DEPDC4: variants seen among roughly 807,000 people sequenced by gnomAD.
DEPDC4 encodes the protein DEP domain-containing protein 4.
Under a neutral mutation model 52.0 loss-of-function variants are expected in DEPDC4, and 52 were observed. The observed-to-expected ratio is 1.00, with a 90% confidence interval of 0.80 to 1.26. The LOEUF is 1.26. Ranked by LOEUF, DEPDC4 falls within the 50% of genes most tolerant of loss-of-function variation. DEPDC4 has a pLI of 0.00. For synonymous variants in DEPDC4, 201 were observed against 196.8 expected, an observed-to-expected ratio of 1.02 and a Z score of -0.18; for missense variants, 530 against 546.9, an observed-to-expected ratio of 0.97 and a Z score of 0.31.
At chr12:100,239,097 G>C (rs2096148731), downstream of DEPDC4, among the ~76,000 whole-genome samples, 1 of 152,102 alleles carries the variant, frequency 6.6e-6, no homozygotes. Context: ...GTTTTTTTGA[G>C]ACAGAGTCTC....
chr12:100,262,296 A>AAC lies in DEPDC4; in HGVS notation c.667_668insGT (p.Val223GlyfsTer26), dbSNP rs2096256352. The stretch of plus-strand genomic sequence containing the variant: ...TGAAAGCCGGAGAAAAGGTTTCTGA[A>AAC]CTGTGATATTTGGACATAAAGCTGG... On this transcript the variant is annotated frameshift_variant, in exon 3 of 10. Transcript: ENST00000550587. LOFTEE classifies it high-confidence loss of function. The AAC allele has an allele frequency of 6.2e-7, 1 of 1,610,480 alleles. No homozygotes were observed. Among genetic ancestry groups the AAC allele is most frequent in the African/African-American group, 1.3e-5 (1 of 74,708 alleles).
the DEPDC4 span, among the ~76,000 whole-genome samples, chr12:100,279,384 C>T: frequency 5.9e-5 from 9 of 152,206 alleles, no homozygotes; most frequent in African/African-American, 1.7e-4. Flanking sequence ...CTCTGCAGCC[C>T]GGTTCCTAAT....
the DEPDC4 span, among the ~76,000 whole-genome samples, chr12:100,275,582 A>G: frequency 6.6e-6 from 1 of 152,296 alleles, no homozygotes; most frequent in Admixed American, 6.5e-5. Context: ...TATTTTGTAG[A>G]TTGATTCCTT....
At chr12:100,255,807 C>T (rs534185832) in intron 4 of DEPDC4, 10 of 271,916 alleles carry the variant, frequency 3.7e-5, no homozygotes, top group Admixed American at 9.8e-5. Context: ...TTGGATGATG[C>T]GGGGAGAAGA....
At position 100,240,346 on chromosome 12, in the gene DEPDC4, A is replaced by G. The variant is rs577205672; in HGVS notation, c.*1546T>C. 6.6e-6 allele frequency among the ~76,000 whole-genome samples: 1 copy of G among 152,026 alleles called. No individual in the cohort carries two copies. The highest frequency in any genetic ancestry group is 1.9e-4 in the East Asian group (1 of 5,150). On this transcript the variant is annotated 3_prime_UTR_variant, in exon 10 of 10. Transcript: ENST00000550587. The stretch of plus-strand genomic sequence containing the variant: ...AATTTTTTTTTTGTAGTTTTTGTAG[A>G]GATAGGGGCAGGGTCTCACTATTAC...
intron 2 of DEPDC4, 152 bp downstream of exon 2, chr12:100,263,345 T>C (rs2096260513): frequency 1.6e-6 from 1 of 613,652 alleles, no homozygotes; most frequent in East Asian, 2.9e-5. Flanking sequence ...ATCATTCCAG[T>C]TTTAGAGGAA....
intron 9 of DEPDC4, among the ~76,000 whole-genome samples, chr12:100,234,929 C>T (rs1238544327): frequency 6.6e-6 from 1 of 152,086 alleles, no homozygotes; most frequent in African/African-American, 2.4e-5. Flanking sequence ...TTAGAAATTT[C>T]CCTTTGGAAA....
chr12:100,244,281 C>T (rs1028118427), intron 8 of DEPDC4, among the ~76,000 whole-genome samples: 5 of 151,092 alleles, frequency 3.3e-5, no homozygotes, highest in East Asian at 2.0e-4. Context: ...CCTAGGTTCA[C>T]GCCAGTCTCC....
At chr12:100,267,398 T>C (rs1736569125), upstream of DEPDC4, 1 of 229,468 alleles carries the variant, frequency 4.4e-6, no homozygotes, top group African/African-American at 2.3e-5. Flanking sequence ...AAGGAAGAGG[T>C]AAGTGACCGG....
chr12:100,274,318 T>G, the DEPDC4 span, among the ~76,000 whole-genome samples: 2 of 152,260 alleles, frequency 1.3e-5, no homozygotes, highest in African/African-American at 4.8e-5. Flanking sequence ...GGAGTTTTTT[T>G]GTCAAGAGTT....
rs1047730828 is a variant in DEPDC4, at chr12:100,241,052, AAAAACAAAACAAAAC to A, written c.*825_*839del. Among the ~76,000 whole-genome samples the A allele has an allele frequency of 2.6e-5, 4 of 152,152 alleles. No homozygotes were observed. Among genetic ancestry groups the A allele is most frequent in the Admixed American group, 6.5e-5 (1 of 15,274 alleles). ...CTGGGACAGAGCAAGACTCCATTTC[AAAAACAAAACAAAAC>A]AAAACAAAACAACTACTTTATGCAT... On this transcript the variant is annotated 3_prime_UTR_variant, in exon 10 of 10. Transcript: ENST00000550587.
At chr12:100,242,309 C>T (rs902330417) in intron 9 of DEPDC4, among the ~76,000 whole-genome samples, 177 bp downstream of exon 9, 15 of 149,168 alleles carry the variant, frequency 1.0e-4, no homozygotes, top group African/African-American at 3.4e-4. Flanking sequence ...ACCCTGAAGA[C>T]CATTACTATG....
At chr12:100,269,984 A>T (rs186997479), upstream of DEPDC4, among the ~76,000 whole-genome samples, 715 of 150,768 alleles carry the variant, frequency 4.7e-3, 6 homozygotes, top group Middle Eastern at 0.021. Context: ...TTGAGATTTT[A>T]TACTTTTTTT....
At position 100,253,519 on chromosome 12, in the gene DEPDC4, C is replaced by T; in HGVS notation, c.1075G>A (p.Asp359Asn). 1 of 1,282,458 alleles carries T rather than the reference C, an allele frequency of 7.8e-7. No individual in the cohort carries two copies. The highest frequency in any genetic ancestry group is 2.7e-4 in the Middle Eastern group (1 of 3,734). The allele number at this position is 1,282,458 out of a possible 1,614,324, so 79.4% of individuals were successfully genotyped here. The change falls in exon 5 of 10, where the codon GAT (aspartate) becomes AAT (asparagine). Residue 359 changes from aspartate to asparagine, a missense_variant. Transcript: ENST00000550587. The stretch of plus-strand genomic sequence containing the variant: ...AGTTCAATAATTCCTGAATGAATAT[C>T]AAAATACTCATCAGTTAATAGGCAA... Reference protein sequence around the residue: ...RDCLLTDEYFDIHSGIIELLE... With the variant: ...RDCLLTDEYFNIHSGIIELLE...
Position 100,252,195 on chromosome 12 carries a change from T to C in DEPDC4, c.1355A>G (p.Tyr452Cys). 1 of 1,264,552 alleles carries C rather than the reference T, an allele frequency of 7.9e-7. No homozygotes were observed. The highest frequency in any genetic ancestry group is 1.6e-5 in the South Asian group (1 of 61,426). The allele number at this position is 1,264,552 out of a possible 1,614,324, so 78.3% of individuals were successfully genotyped here. A position where few individuals can be genotyped will look rare whatever the true frequency, so the allele number is the denominator to read the frequency against. ...AEQLVWFPLE[Y>C]HSELFKTPVT... ...AGATACCTTGAAGAGCTCAGAGTGG[T>C]ACTCCAGTGGAAACCAGACCAGTTG... is the stretch of plus-strand genomic sequence containing the variant. Residue 452 changes from tyrosine (Y) to cysteine (C), a missense_variant, in exon 7 of 10, where the codon TAC becomes TGC. Tyr to Cys is a radical substitution (Grantham distance 194). Coordinates refer to ENST00000550587, the MANE Select transcript of DEPDC4 (RefSeq NM_001364818.2).
At chr12:100,244,355 G>T (rs2153905217) in intron 8 of DEPDC4, among the ~76,000 whole-genome samples, 1 of 150,876 alleles carries the variant, frequency 6.6e-6, no homozygotes, top group East Asian at 2.0e-4. Context: ...TAATTTTTTT[G>T]TATTTTTAGT....
At chr12:100,261,675 G>A (rs1016034167) in intron 3 of DEPDC4, 1 of 456,388 alleles carries the variant, frequency 2.2e-6, no homozygotes, top group Non-Finnish European at 4.4e-6. Flanking sequence ...CAGTTAATCT[G>A]GTCACAGTCA....
In DEPDC4 at chr12:100,252,421, C is replaced by T. The variant is rs1006758371; in HGVS notation, c.1221G>A (p.Glu407=). Residue 407 remains glutamate (E), a synonymous_variant, in exon 6 of 10, where the codon GAG becomes GAA. Transcript: ENST00000550587. ...RLLTFMAMAS[E]PNAYKLQKQY... is the part of the protein sequence containing the mutation. ...GTTTTTGCAACTTGTAGGCATTGGG[C>T]TCTGATGCCATTGCCATAAAAGTAA... The T allele has an allele frequency of 6.3e-7, 1 of 1,590,394 alleles. No individual in the cohort carries two copies. Among genetic ancestry groups the T allele is most frequent in the Admixed American group, 1.7e-5 (1 of 57,464 alleles).
chr12:100,268,174 G>A (rs2096281804), upstream of DEPDC4, among the ~76,000 whole-genome samples: 1 of 152,200 alleles, frequency 6.6e-6, no homozygotes, highest in African/African-American at 2.4e-5. Flanking sequence ...TCATTGGAAG[G>A]TGTCAACTAT....
Sources: allele counts gnomAD v4.1 joint callset (sites outside exome capture counted in the v4.1 genomes callset), GRCh38; gene constraint gnomAD v4.1.1; transcripts MANE v1.5; gene names NCBI Gene and HGNC (gene_info 2026-07-23, HGNC 2026-07-21).